The following SLC35F3 variants were observed in gnomAD, a reference collection of about 807,000 sequenced individuals.
The protein encoded by SLC35F3 is solute carrier family 35 member F3, also known as putative thiamine transporter SLC35F3.
Under a neutral mutation model 49.9 loss-of-function variants are expected in SLC35F3, and 25 were observed. That is an observed-to-expected ratio of 0.50 (90% CI 0.37 to 0.70). The LOEUF is 0.70. Ranked by LOEUF, SLC35F3 falls within the 30% of genes least tolerant of loss-of-function variation. SLC35F3 has a pLI of 0.00. For synonymous variants in SLC35F3, 275 were observed against 265.4 expected, an observed-to-expected ratio of 1.04 and a Z score of -0.35; for missense variants, 525 against 639.8, an observed-to-expected ratio of 0.82 and a Z score of 1.94.
chr1:233,990,759 A>G lies in SLC35F3; in HGVS notation c.283+85001A>G, dbSNP rs373316566. Among the ~76,000 whole-genome samples the G allele has an allele frequency of 3.3e-5, 5 of 152,222 alleles. No individual in the cohort carries two copies. In the South Asian group the frequency reaches 1.0e-3, roughly 32 times the overall value. ...AATACTCACATTTTAAAATGTGTCAATTACACATCCGTAAAGCTGAAAAAA... is the reference window on the plus strand; with the variant it reads ...AATACTCACATTTTAAAATGTGTCAGTTACACATCCGTAAAGCTGAAAAAA... On this transcript the variant is annotated intron_variant, in intron 2 of 7. Coordinates refer to ENST00000366618, the MANE Select transcript of SLC35F3 (RefSeq NM_173508.4).
At chr1:233,968,253 G>GA (rs1299833585) in intron 2 of SLC35F3, among the ~76,000 whole-genome samples, 2 of 152,174 alleles carry the variant, frequency 1.3e-5, no homozygotes, top group African/African-American at 4.8e-5. Flanking sequence ...TCACATGGCT[G>GA]ACTTCTTATA....
intron 2 of SLC35F3, among the ~76,000 whole-genome samples, chr1:234,117,934 G>GTATATATATA (rs1413560304): frequency 9.7e-5 from 11 of 113,554 alleles, no homozygotes; most frequent in East Asian, 2.6e-3. Flanking sequence ...GTGTGTGTGT[G>GTATATATATA]TGTGTGTGTG....
chr1:233,912,413 G>T (rs913494043), intron 2 of SLC35F3, among the ~76,000 whole-genome samples: 4 of 152,112 alleles, frequency 2.6e-5, no homozygotes, highest in Admixed American at 2.0e-4. Flanking sequence ...GGAGGCGGAG[G>T]TTGCAGTGAG....
At chr1:234,292,484 C>T (rs2102986451) in intron 3 of SLC35F3, among the ~76,000 whole-genome samples, 1 of 152,336 alleles carries the variant, frequency 6.6e-6, no homozygotes, top group African/African-American at 2.4e-5. Flanking sequence ...TCTCAACCTC[C>T]AGCATAAATG....
At chr1:234,225,001 C>G (rs555015942) in intron 2 of SLC35F3, among the ~76,000 whole-genome samples, 1 of 152,306 alleles carries the variant, frequency 6.6e-6, no homozygotes, top group Admixed American at 6.5e-5. Flanking sequence ...TAGTCAGGAG[C>G]ATGACTGGGG....
intron 2 of SLC35F3, among the ~76,000 whole-genome samples, chr1:233,921,791 A>G (rs143438727): frequency 0.028 from 3,836 of 137,504 alleles, 173 homozygotes; most frequent in African/African-American, 0.095. Context: ...TCCTAATGCT[A>G]TCCCTCCCCC....
At chr1:234,003,502 T>C (rs1460072365) in intron 2 of SLC35F3, among the ~76,000 whole-genome samples, 1 of 152,172 alleles carries the variant, frequency 6.6e-6, no homozygotes, top group Non-Finnish European at 1.5e-5. Flanking sequence ...CCAGCCAATT[T>C]AACCAATAAG....
intron 2 of SLC35F3, among the ~76,000 whole-genome samples, chr1:234,156,147 ATGTCATGG>A (rs1454731382): frequency 6.6e-6 from 1 of 152,236 alleles, no homozygotes; most frequent in Admixed American, 6.5e-5. Context: ...CAAGTTAACA[ATGTCATGG>A]ATAAAAAAAA....
chr1:234,122,529 A>G (rs7530718), intron 2 of SLC35F3, among the ~76,000 whole-genome samples: 52,906 of 152,066 alleles, frequency 0.35, 10,409 homozygotes, highest in East Asian at 0.78. Context: ...GTATACATGT[A>G]CCATGGTGGT....
chr1:234,016,209 T>C (rs1365469387), intron 2 of SLC35F3, among the ~76,000 whole-genome samples: 1 of 152,168 alleles, frequency 6.6e-6, no homozygotes, highest in Non-Finnish European at 1.5e-5. Context: ...GAGTGTGAAT[T>C]AGTACAGCCA....
At chr1:234,215,413 ACTCCTC>A (rs1259007084) in intron 2 of SLC35F3, among the ~76,000 whole-genome samples, 5 of 151,508 alleles carry the variant, frequency 3.3e-5, no homozygotes, top group African/African-American at 1.2e-4. Flanking sequence ...CCAGTTCTTA[ACTCCTC>A]CTCCCAGGAG....
chr1:234,037,349 C>T (rs1248254162), intron 2 of SLC35F3, among the ~76,000 whole-genome samples: 1 of 152,152 alleles, frequency 6.6e-6, no homozygotes, highest in South Asian at 2.1e-4. Flanking sequence ...CTCACTGTCC[C>T]GAGAATGGCA....
At chr1:234,076,350 C>A (rs1664791707) in intron 2 of SLC35F3, among the ~76,000 whole-genome samples, 1 of 147,786 alleles carries the variant, frequency 6.8e-6, no homozygotes, top group Non-Finnish European at 1.5e-5. Context: ...GTAATCCCAA[C>A]ATTTTAAGAG....
At chr1:234,115,146 G>A (rs924130997) in intron 2 of SLC35F3, among the ~76,000 whole-genome samples, 2 of 152,144 alleles carry the variant, frequency 1.3e-5, no homozygotes. Context: ...GTAGGTTTCT[G>A]CCCCAGTAAG....
intron 3 of SLC35F3, among the ~76,000 whole-genome samples, chr1:234,304,135 T>G (rs1668739687): frequency 6.6e-6 from 1 of 151,640 alleles, no homozygotes; most frequent in Non-Finnish European, 1.5e-5. Context: ...TATGGGAGAT[T>G]ATTTTGACTT....
chr1:234,252,562 G>T (rs1572116577), intron 3 of SLC35F3, among the ~76,000 whole-genome samples: 1 of 152,112 alleles, frequency 6.6e-6, no homozygotes, highest in Non-Finnish European at 1.5e-5. Flanking sequence ...AATGAACAAA[G>T]GATATAAACA....
intron 2 of SLC35F3, among the ~76,000 whole-genome samples, chr1:234,076,296 T>C (rs918191250): frequency 6.7e-6 from 1 of 150,140 alleles, no homozygotes; most frequent in Admixed American, 6.7e-5. Context: ...AGAAAGCATA[T>C]TTTAAAAGAA....
intron 3 of SLC35F3, among the ~76,000 whole-genome samples, chr1:234,273,372 G>A (rs1234504337): frequency 6.6e-6 from 1 of 152,198 alleles, no homozygotes; most frequent in Non-Finnish European, 1.5e-5. Context: ...TACAGGGGAT[G>A]CAGGGAACGC....
At chr1:234,174,825 A>T (rs761916369) in intron 2 of SLC35F3, among the ~76,000 whole-genome samples, 1 of 152,244 alleles carries the variant, frequency 6.6e-6, no homozygotes, top group Non-Finnish European at 1.5e-5. Context: ...TTCAGGCAGC[A>T]GCCCAACAAG....
Sources: gnomAD v4.1 joint callset for allele counts (sites outside exome capture counted in the v4.1 genomes callset) on GRCh38, gnomAD v4.1.1 for gene constraint, MANE v1.5 for transcripts, NCBI Gene and HGNC (gene_info 2026-07-23, HGNC 2026-07-21) for gene names.